The following LARGE1 variants were observed in gnomAD, a reference collection of about 807,000 sequenced individuals.
LARGE1 encodes xylosyl- and glucuronyltransferase LARGE1.
Under a neutral mutation model 87.6 loss-of-function variants are expected in LARGE1, and 43 were observed. The observed-to-expected ratio is 0.49, with a 90% CI of 0.38 to 0.63. The LOEUF is 0.63. Among genes scored for constraint, LARGE1 ranks in the 30% least tolerant of loss-of-function variants. The pLI, the probability that LARGE1 is intolerant of heterozygous loss-of-function variation, is 0.00. For missense variants in LARGE1, 802 were observed against 1,000.2 expected, an observed-to-expected ratio of 0.80 and a Z score of 2.67; for synonymous variants, 434 against 394.6, an observed-to-expected ratio of 1.10 and a Z score of -1.18.
chr22:33,435,083 C>A (rs563488596), intron 6 of LARGE1, among the ~76,000 whole-genome samples: 1 of 152,316 alleles, frequency 6.6e-6, no homozygotes, highest in African/African-American at 2.4e-5. Context: ...CTCACTGCAA[C>A]CTTCGCCTCC....
At chr22:33,402,207 C>T (rs982302267) in intron 7 of LARGE1, among the ~76,000 whole-genome samples, 4 of 152,112 alleles carry the variant, frequency 2.6e-5, no homozygotes, top group Non-Finnish European at 1.5e-5. Context: ...ATGACATTGG[C>T]TTTGGTAGGT....
At chr22:33,123,501 G>T in the LARGE1 span, among the ~76,000 whole-genome samples, 51 of 152,256 alleles carry the variant, frequency 3.3e-4, no homozygotes, top group South Asian at 2.7e-3. Flanking sequence ...GAGTTTTGTA[G>T]TTAGTCTAAG....
chr22:33,670,900 G>A lies in LARGE1; in HGVS notation c.107-20232C>T, dbSNP rs367657235. ...GCTACTAAGTTGTTAGGACATAAATGCTTAATAACAAAATAGGTATTTCAT... is the reference window on the plus strand; with the variant it reads ...GCTACTAAGTTGTTAGGACATAAATACTTAATAACAAAATAGGTATTTCAT... On this transcript the variant is annotated intron_variant, in intron 2 of 14. Transcript: ENST00000397394. Among the ~76,000 whole-genome samples the A allele has an allele frequency of 2.0e-5, 3 of 152,052 alleles. No individual in the cohort carries two copies. In the East Asian group the frequency reaches 5.8e-4, roughly 29 times the overall value.
Position 33,650,545 on chromosome 22 carries a change from C to T in LARGE1, c.230G>A (p.Arg77His), listed in dbSNP as rs1402888044. Reference protein sequence around the residue: ...VRMREVEEENRALRRQLSLAQ... With the variant: ...VRMREVEEENHALRRQLSLAQ... ...CAGGCTGAGCTGCCTGCGGAGGGCG[C>T]GGTTCTCCTCCTCCACCTCGCGCAT... Residue 77 changes from arginine to histidine, a missense_variant, in exon 3 of 15, where the codon CGC becomes CAC. By Grantham distance (29) the Arg-to-His change is conservative. Around this residue, in one of 2 missense-constraint regions of LARGE1, gnomAD observed 177 missense variants for 158.3 expected, o/e 1.12. Transcript: ENST00000397394. 3 of 1,609,850 alleles carry T rather than the reference C, an allele frequency of 1.9e-6. No individual in the cohort carries two copies. Among genetic ancestry groups the T allele is most frequent in the Admixed American group, 1.7e-5 (1 of 59,992 alleles).
At chr22:33,648,855 G>T (rs1226097062) in intron 3 of LARGE1, among the ~76,000 whole-genome samples, 1 of 152,186 alleles carries the variant, frequency 6.6e-6, no homozygotes. Context: ...AGGGAAAGGG[G>T]TTCTGTCTTT....
chr22:33,725,229 T>C (rs1265058483), intron 2 of LARGE1: 3 of 152,562 alleles, frequency 2.0e-5, no homozygotes, highest in African/African-American at 4.8e-5. Context: ...AGAGTCGCTT[T>C]GTGACACCCT....
chr22:33,249,099 A>G (rs1926900350), intron 11 of LARGE1, among the ~76,000 whole-genome samples: 1 of 152,186 alleles, frequency 6.6e-6, no homozygotes, highest in African/African-American at 2.4e-5. Flanking sequence ...GGATCACATG[A>G]TAAGAGTGTG....
chr22:33,071,676 G>T, the LARGE1 span, among the ~76,000 whole-genome samples: 1 of 152,182 alleles, frequency 6.6e-6, no homozygotes, highest in African/African-American at 2.4e-5. Flanking sequence ...ATTAATACAT[G>T]TTTATGGACT....
intron 1 of LARGE1, among the ~76,000 whole-genome samples, chr22:33,802,790 A>T (rs1394606124): frequency 6.6e-6 from 1 of 152,032 alleles, no homozygotes; most frequent in African/African-American, 2.4e-5. Flanking sequence ...AAACAATACC[A>T]CCAGGGTACG....
chr22:33,259,764 C>G (rs937944171), intron 11 of LARGE1, among the ~76,000 whole-genome samples: 1 of 152,178 alleles, frequency 6.6e-6, no homozygotes, highest in Non-Finnish European at 1.5e-5. Context: ...CTCTCTGCTT[C>G]CAGAAGTTAG....
At position 33,574,066 on chromosome 22, in the gene LARGE1, G is replaced by A. The variant is rs186356906; in HGVS notation, c.616-9047C>T. On this transcript the variant is annotated intron_variant, in intron 5 of 14. Coordinates refer to ENST00000397394, the MANE Select transcript of LARGE1 (RefSeq NM_133642.5). ...GGTTATATAGGTAAGTTTATGCAAT[G>A]TGGGAAGGGACTAGACATGGGAGTG... 4.6e-5 allele frequency among the ~76,000 whole-genome samples: 7 copies of A among 152,316 alleles called. No homozygotes were observed. The East Asian group carries it at 1.3e-3, about 29-fold the overall frequency.
chr22:33,656,537 C>T (rs2080965711), intron 2 of LARGE1, among the ~76,000 whole-genome samples: 1 of 152,158 alleles, frequency 6.6e-6, no homozygotes, highest in South Asian at 2.1e-4. Context: ...CCAGCCCAAG[C>T]CCACTAAAGC....
chr22:33,254,570 G>A (rs539033546), intron 11 of LARGE1, among the ~76,000 whole-genome samples: 1 of 152,334 alleles, frequency 6.6e-6, no homozygotes, highest in Admixed American at 6.5e-5. Context: ...GAGCCAGAAT[G>A]ACTCAGTTTA....
At chr22:33,180,388 C>A (rs1923098965) in intron 11 of LARGE1, among the ~76,000 whole-genome samples, 1 of 152,164 alleles carries the variant, frequency 6.6e-6, no homozygotes, top group Admixed American at 6.5e-5. Flanking sequence ...CTTAGGCCCA[C>A]AAGAATGGTT....
intron 4 of LARGE1, among the ~76,000 whole-genome samples, chr22:33,608,968 A>G (rs1004859099): frequency 1.3e-5 from 2 of 152,248 alleles, no homozygotes. Context: ...TAAGATTTCA[A>G]TACAGGTTAT....
chr22:33,543,511 T>G (rs2077270348), intron 6 of LARGE1, among the ~76,000 whole-genome samples: 2 of 152,230 alleles, frequency 1.3e-5, no homozygotes, highest in South Asian at 4.1e-4. Context: ...GCCCTGTCAA[T>G]AAGGAGGCTC....
chr22:33,894,532 T>C (rs1167807832), intron 1 of LARGE1, among the ~76,000 whole-genome samples: 1 of 152,186 alleles, frequency 6.6e-6, no homozygotes, highest in African/African-American at 2.4e-5. Flanking sequence ...TCAGAATGAA[T>C]TATCAGAAAC....
At chr22:33,237,082 C>CCA (rs1926290032) in intron 11 of LARGE1, among the ~76,000 whole-genome samples, 1 of 152,200 alleles carries the variant, frequency 6.6e-6, no homozygotes, top group African/African-American at 2.4e-5. Flanking sequence ...AATCCTTCCA[C>CCA]TATATCCCTC....
chr22:33,728,335 T>G (rs2083334789), intron 2 of LARGE1, among the ~76,000 whole-genome samples: 1 of 151,916 alleles, frequency 6.6e-6, no homozygotes, highest in Admixed American at 6.6e-5. Flanking sequence ...GGTCAGGAGT[T>G]CAAGACCAGC....
Sources: gnomAD v4.1 joint callset for allele counts (sites outside exome capture counted in the v4.1 genomes callset) on GRCh38, gnomAD v4.1.1 for gene constraint, gnomAD v4.1.1 regional missense constraint, MANE v1.5 for transcripts, NCBI Gene and HGNC (gene_info 2026-07-23, HGNC 2026-07-21) for gene names.